Variants in MRPS5 observed in about 807,000 individuals in gnomAD.
The protein encoded by MRPS5 is small ribosomal subunit protein uS5m.
Under a neutral mutation model 51.9 loss-of-function variants are expected in MRPS5, and 27 were observed. That is an observed-to-expected ratio of 0.52 (90% CI 0.38 to 0.72). MRPS5 has a LOEUF of 0.72. Among genes scored for constraint, MRPS5 ranks in the 30% least tolerant of loss-of-function variants. The probability of loss-of-function intolerance (pLI) is 0.00; values close to 1 mark genes in which losing one functional copy is unlikely to be tolerated. For missense variants in MRPS5, 570 were observed against 545.7 expected, an observed-to-expected ratio of 1.04 and a Z score of -0.44; for synonymous variants, 196 against 193.2, an observed-to-expected ratio of 1.01 and a Z score of -0.12.
At chr2:95,099,197 C>T (rs1342436389) in intron 10 of MRPS5, among the ~76,000 whole-genome samples, 6 of 150,298 alleles carry the variant, frequency 4.0e-5, no homozygotes, top group Non-Finnish European at 8.9e-5. Flanking sequence ...GTATTACAGG[C>T]GTGAGCCACC....
chr2:95,111,280 C>T (rs1284456299), intron 3 of MRPS5, among the ~76,000 whole-genome samples: 2 of 152,174 alleles, frequency 1.3e-5, no homozygotes, highest in East Asian at 1.9e-4. Context: ...CAAACTCTCA[C>T]TAAGGATTTG....
chr2:95,088,891 A>C (rs1391075497), intron 11 of MRPS5, among the ~76,000 whole-genome samples: 1 of 152,168 alleles, frequency 6.6e-6, no homozygotes, highest in East Asian at 1.9e-4. Flanking sequence ...ACATGGTGAA[A>C]CCCCATCTCT....
chr2:95,116,986 C>T (rs1260872604), intron 2 of MRPS5, among the ~76,000 whole-genome samples: 2 of 152,060 alleles, frequency 1.3e-5, no homozygotes, highest in Non-Finnish European at 2.9e-5. Context: ...ACTAAAAATA[C>T]AAAAATTAGC....
intron 7 of MRPS5, among the ~76,000 whole-genome samples, chr2:95,102,113 C>T (rs1446950559): frequency 6.6e-6 from 1 of 151,620 alleles, no homozygotes; most frequent in Non-Finnish European, 1.5e-5. Flanking sequence ...TGAGCTATGA[C>T]TGTGCCACTG....
intron 10 of MRPS5, among the ~76,000 whole-genome samples, chr2:95,097,782 G>A (rs1384113853): frequency 6.6e-6 from 1 of 152,190 alleles, no homozygotes; most frequent in Non-Finnish European, 1.5e-5. Context: ...CAGGTCATAG[G>A]CATGGGCAAG....
intron 10 of MRPS5, among the ~76,000 whole-genome samples, chr2:95,097,329 G>A (rs190366002): frequency 2.0e-3 from 302 of 152,276 alleles, no homozygotes; most frequent in African/African-American, 7.1e-3. Flanking sequence ...CACAGAATTG[G>A]AAAACACTAC....
At position 95,121,780 on chromosome 2, in the gene MRPS5, C is replaced by T. The variant is rs969762305; in HGVS notation, c.12G>A (p.Ala4=). ...CGGGGAGGCAGCCCACAGCGCGCAC[C>T]GCGGTCGCCATGCTGGAGTCCGAGC... is the stretch of plus-strand genomic sequence containing the variant. MAT[A]VRAVGCLPVL... Residue 4 remains alanine (A), a synonymous_variant, in exon 1 of 12, where the codon GCG becomes GCA. Transcript: ENST00000272418. The T allele has an allele frequency of 2.6e-6, 4 of 1,551,270 alleles. No homozygotes were observed. The highest frequency in any genetic ancestry group is 3.5e-6 in the Non-Finnish European group (4 of 1,158,054).
chr2:95,104,839 A>G, intron 6 of MRPS5, 109 bp from the exon 7 acceptor site: 2 of 867,056 alleles, frequency 2.3e-6, no homozygotes, highest in Non-Finnish European at 1.8e-6. Context: ...GCACACACAG[A>G]GAACAGGCAC....
chr2:95,115,650 A>T (rs1466955833), intron 2 of MRPS5, among the ~76,000 whole-genome samples: 1 of 152,190 alleles, frequency 6.6e-6, no homozygotes, highest in Non-Finnish European at 1.5e-5. Context: ...AGTGGGTGTG[A>T]ATGCATTTTA....
chr2:95,099,985 C>T (rs1462252302), intron 10 of MRPS5, among the ~76,000 whole-genome samples: 6 of 152,118 alleles, frequency 3.9e-5, no homozygotes, highest in African/African-American at 1.4e-4. Context: ...ACTGCCCTAG[C>T]CCATGACCCT....
At chr2:95,093,425 G>A (rs1007662017) in intron 10 of MRPS5, 4 of 152,406 alleles carry the variant, frequency 2.6e-5, no homozygotes, top group South Asian at 2.1e-4. Flanking sequence ...CCTGACCCCC[G>A]TGTAGCCTAA....
chr2:95,107,357 C>T (rs991688034), intron 5 of MRPS5, among the ~76,000 whole-genome samples: 12 of 152,330 alleles, frequency 7.9e-5, no homozygotes, highest in African/African-American at 2.2e-4. Flanking sequence ...ACACAACACC[C>T]CCACCTACCT....
At chr2:95,121,624 C>T (rs1676454617) in intron 1 of MRPS5, 110 bp downstream of exon 1, 2 of 1,257,616 alleles carry the variant, frequency 1.6e-6, no homozygotes, top group Non-Finnish European at 2.2e-6. Context: ...GCGTGAAGAG[C>T]CGGGGGCCGC....
intron 1 of MRPS5, 87 bp downstream of exon 1, chr2:95,121,647 C>T (rs1676455980): frequency 1.4e-6 from 2 of 1,412,660 alleles, no homozygotes; most frequent in Non-Finnish European, 1.9e-6. Flanking sequence ...CTTCTCGCTT[C>T]CCTCCGCCCC....
intron 3 of MRPS5, among the ~76,000 whole-genome samples, chr2:95,113,820 T>C: frequency 6.6e-6 from 1 of 151,558 alleles, no homozygotes; most frequent in Non-Finnish European, 1.5e-5. Context: ...ATGCAATATA[T>C]TACATTAAAA....
At chr2:95,099,038 C>A (rs1191811683) in intron 10 of MRPS5, among the ~76,000 whole-genome samples, 1 of 150,978 alleles carries the variant, frequency 6.6e-6, no homozygotes, top group African/African-American at 2.4e-5. Flanking sequence ...CCTGCCTCAG[C>A]CTCCCGAGTA....
Position 95,087,488 on chromosome 2 carries a change from G to A in MRPS5, c.1162C>T (p.Arg388Trp), listed in dbSNP as rs754559313. ...GPLPIVVASPRGPLRKDPEPE... is the reference protein window; with the variant it reads ...GPLPIVVASPWGPLRKDPEPE... ...TCTGGATCCTTCCTCAAGGGCCCCC[G>A]GGGGGACGCAACCACAATGGGCAGA... Residue 388 changes from arginine to tryptophan, a missense_variant, in exon 12 of 12, where the codon CGG (arginine) becomes TGG (tryptophan). Physicochemically the swap from Arg to Trp is moderately radical, Grantham distance 101. Coordinates refer to ENST00000272418, the MANE Select transcript of MRPS5 (RefSeq NM_031902.5). The A allele has an allele frequency of 1.1e-5, 17 of 1,613,966 alleles. No homozygotes were observed. The highest frequency in any genetic ancestry group is 1.6e-4 in the Middle Eastern group (1 of 6,082).
At chr2:95,101,819 G>A in intron 7 of MRPS5, 96 bp from the exon 8 acceptor site, 1 of 754,574 alleles carries the variant, frequency 1.3e-6, no homozygotes, top group Non-Finnish European at 2.2e-6. Flanking sequence ...ATATTTCACA[G>A]CACTTCATCT....
intron 2 of MRPS5, 94 bp from the exon 3 acceptor site, chr2:95,115,297 C>A (rs1676254018): frequency 8.4e-7 from 1 of 1,183,490 alleles, no homozygotes; most frequent in Non-Finnish European, 1.1e-6. Flanking sequence ...AAAAATAAGT[C>A]ACTAAAATCC....
Sources: gnomAD v4.1 joint callset for allele counts (sites outside exome capture counted in the v4.1 genomes callset) on GRCh38, gnomAD v4.1.1 for gene constraint, MANE v1.5 for transcripts, NCBI Gene and HGNC (gene_info 2026-07-23, HGNC 2026-07-21) for gene names.